AGXT2: variants seen among roughly 807,000 people sequenced by gnomAD.
The protein encoded by AGXT2 is alanine--glyoxylate aminotransferase 2, mitochondrial.
In AGXT2, 61 loss-of-function variants were observed where a neutral mutation model predicts 62.5. The observed-to-expected ratio is 0.98, with a 90% CI of 0.79 to 1.21. The LOEUF (loss-of-function observed/expected upper bound fraction) is 1.21, where lower values mean the gene tolerates loss of function less well. Ranked by LOEUF, AGXT2 falls within the 50% of genes most tolerant of loss-of-function variation. The pLI is 0.00. For synonymous variants in AGXT2, 243 were observed against 218.7 expected, an observed-to-expected ratio of 1.11 and a Z score of -0.98; for missense variants, 666 against 641.5, an observed-to-expected ratio of 1.04 and a Z score of -0.41.
intron 9 of AGXT2, among the ~76,000 whole-genome samples, chr5:35,023,175 A>T (rs1767180479): frequency 9.7e-6 from 1 of 103,440 alleles, no homozygotes; most frequent in Non-Finnish European, 2.1e-5. Flanking sequence ...TAAAAAAAAA[A>T]AGAAAAAAGA....
rs1767646918 is a variant in AGXT2, at chr5:35,033,443, A to C, written c.675+17T>G. The C allele has an allele frequency of 6.3e-7, 1 of 1,585,774 alleles. No homozygotes were observed. The highest frequency in any genetic ancestry group is 1.3e-5 in the African/African-American group (1 of 74,380). ...CAGCAGTCTTTAAAGAAACAAGAGA[A>C]AAATCTCCAAACTCACTGGTTGGCA... On this transcript the variant is annotated intron_variant, in intron 6 of 13. Transcript: ENST00000231420.
At position 35,032,836 on chromosome 5, in the gene AGXT2, CA is replaced by C; in HGVS notation, c.676-12del. ...ATCTGGACACATTGTCTGCAAATGA[CA>C]AAAGAAGGAGTGTGGCAAAGCATGA... On this transcript the variant is annotated splice_polypyrimidine_tract_variant and intron_variant, in intron 6 of 13. Coordinates refer to ENST00000231420, the MANE Select transcript of AGXT2 (RefSeq NM_031900.4). 6.3e-7 allele frequency: 1 copy of C among 1,593,616 alleles called. No homozygotes were observed. The highest frequency in any genetic ancestry group is 1.3e-5 in the African/African-American group (1 of 74,798).
At chr5:35,030,523 A>G (rs1301578622) in intron 7 of AGXT2, among the ~76,000 whole-genome samples, 2 of 151,964 alleles carry the variant, frequency 1.3e-5, no homozygotes. Context: ...AAAAAAATAC[A>G]TAAATAAAAA....
At chr5:35,039,737 G>A (rs554289102) in intron 2 of AGXT2, among the ~76,000 whole-genome samples, 2 of 152,284 alleles carry the variant, frequency 1.3e-5, no homozygotes, top group East Asian at 3.9e-4. Flanking sequence ...TCAGAAAAGG[G>A]CTGGAATTTC....
chr5:35,036,861 A>G (rs1274144718), intron 4 of AGXT2, 81 bp downstream of exon 4: 1 of 1,598,944 alleles, frequency 6.3e-7, no homozygotes, highest in African/African-American at 1.3e-5. Context: ...GAATCATAAG[A>G]CTCCTGTCTC....
intron 1 of AGXT2, among the ~76,000 whole-genome samples, chr5:35,046,159 C>T (rs574477388): frequency 4.3e-4 from 65 of 152,246 alleles, no homozygotes; most frequent in African/African-American, 1.5e-3. Context: ...TCTCTAGGTA[C>T]TAGGCCTCAC....
In AGXT2 at chr5:35,033,837, AC is replaced by A. The variant is rs537061025; in HGVS notation, c.582-285del. 2.1e-4 allele frequency among the ~76,000 whole-genome samples: 32 copies of A among 152,288 alleles called. 2 individuals carry two copies. The South Asian group carries it at 6.2e-3, about 30-fold the overall frequency. On this transcript the variant is annotated intron_variant, in intron 5 of 13. Transcript: ENST00000231420. ...TACTCTATTATTCCATAGTAATGAG[AC>A]TCATCTTTTAGCAACAACATACCAG...
In AGXT2 at chr5:35,026,525, C is replaced by CAACAA. The variant is rs745348522; in HGVS notation, c.770-20_770-16dup. The CAACAA allele has an allele frequency of 3.8e-6, 6 of 1,585,234 alleles. No individual in the cohort carries two copies. In the East Asian group the frequency reaches 1.4e-4, roughly 37 times the overall value. On this transcript the variant is annotated splice_polypyrimidine_tract_variant and intron_variant, in intron 7 of 13. Coordinates refer to ENST00000231420, the MANE Select transcript of AGXT2 (RefSeq NM_031900.4). Reference sequence around the variant, plus strand: ...TTGGCAGCAGTCTGCAAAAAGCAAACAACAAAACAAAACAAACCACAGCAT... The same window carrying CAACAA: ...TTGGCAGCAGTCTGCAAAAAGCAAACAACAAAACAAAACAAAACAAACCACAGCAT...
At chr5:35,018,643 G>A (rs541495725) in intron 9 of AGXT2, among the ~76,000 whole-genome samples, 2 of 150,934 alleles carry the variant, frequency 1.3e-5, no homozygotes, top group African/African-American at 2.4e-5. Context: ...AGACCATCGA[G>A]ACTAGGAAGA....
At chr5:35,016,912 TGGGTCACAACAGCAAGTG>T (rs1766866459) in intron 9 of AGXT2, among the ~76,000 whole-genome samples, 1 of 152,192 alleles carries the variant, frequency 6.6e-6, no homozygotes, top group Admixed American at 6.5e-5. Context: ...AGAAGCAGGC[TGGGTCACAACAGCAAGTG>T]GGGTGGGGAC....
chr5:35,016,087 T>G (rs1766841303), intron 9 of AGXT2, among the ~76,000 whole-genome samples: 1 of 152,130 alleles, frequency 6.6e-6, no homozygotes, highest in South Asian at 2.1e-4. Flanking sequence ...AGCTGATTGA[T>G]TTTTCCAAAT....
In AGXT2 at chr5:35,038,483, C is replaced by T. The variant is rs113461519; in HGVS notation, c.362+841G>A. Among the ~76,000 whole-genome samples, 7 of 152,170 alleles carry T rather than the reference C, an allele frequency of 4.6e-5. 1 individual carries two copies. Among genetic ancestry groups the T allele is most frequent in the African/African-American group, 1.7e-4 (7 of 41,504 alleles). On this transcript the variant is annotated intron_variant, in intron 3 of 13. Transcript: ENST00000231420. ...ATACTTCTTGTGACTTTGCATGGGA[C>T]TAAGGTCTCCTGATGATGGAAGAGG...
intron 9 of AGXT2, among the ~76,000 whole-genome samples, chr5:35,024,134 C>T (rs577625036): frequency 5.9e-5 from 9 of 152,192 alleles, no homozygotes; most frequent in Admixed American, 2.6e-4. Context: ...CTCAAGTGAC[C>T]GGCCTGCCTC....
intron 4 of AGXT2, 97 bp downstream of exon 4, chr5:35,036,845 C>T: frequency 6.3e-7 from 1 of 1,574,806 alleles, no homozygotes; most frequent in Non-Finnish European, 8.7e-7. Context: ...TAGGGACGCT[C>T]CCCTAGAATC....
At chr5:35,037,334 AGGAGG>A in intron 3 of AGXT2, among the ~76,000 whole-genome samples, 1 of 152,362 alleles carries the variant, frequency 6.6e-6, no homozygotes, top group South Asian at 2.1e-4. Context: ...TGCCTAGTTT[AGGAGG>A]AAGTTTGGGC....
chr5:35,000,135 C>T (rs1207153511), intron 13 of AGXT2, among the ~76,000 whole-genome samples: 1 of 152,158 alleles, frequency 6.6e-6, no homozygotes, highest in African/African-American at 2.4e-5. Flanking sequence ...TGCAGTCTGA[C>T]TTCTGCCTCA....
chr5:35,039,458 A>G lies in AGXT2; in HGVS notation c.228T>C (p.Pro76=). ...GTTTCTGGAAATATGCCGTCACCAC[A>G]GGAGAAAGATGTTCCTTGTGGATTT... The part of the protein sequence containing the change: ...VLEIHKEHLS[P]VVTAYFQKPL... Residue 76 remains proline, a synonymous_variant, in exon 3 of 14, where the codon CCT becomes CCC. Coordinates refer to ENST00000231420, the MANE Select transcript of AGXT2 (RefSeq NM_031900.4). The G allele has an allele frequency of 6.2e-7, 1 of 1,614,098 alleles. No individual in the cohort carries two copies. Among genetic ancestry groups the G allele is most frequent in the Non-Finnish European group, 8.5e-7 (1 of 1,179,964 alleles).
chr5:35,040,475 G>A, intron 2 of AGXT2, 100 bp downstream of exon 2: 2 of 1,115,208 alleles, frequency 1.8e-6, no homozygotes, highest in South Asian at 1.3e-5. Flanking sequence ...TAGTTTAGTG[G>A]CAAGCAGGGC....
chr5:35,008,938 G>C (rs2112183475), intron 12 of AGXT2, among the ~76,000 whole-genome samples: 1 of 152,250 alleles, frequency 6.6e-6, no homozygotes, highest in African/African-American at 2.4e-5. Flanking sequence ...TTTCCTACAG[G>C]CATTTACTAT....
Sources: gnomAD v4.1 joint callset for allele counts (sites outside exome capture counted in the v4.1 genomes callset) on GRCh38, gnomAD v4.1.1 for gene constraint, MANE v1.5 for transcripts, NCBI Gene and HGNC (gene_info 2026-07-23, HGNC 2026-07-21) for gene names.